LINC00237: variants seen among roughly 807,000 people sequenced by gnomAD.
LINC00237 encodes the protein long intergenic non-protein coding RNA 237.
rs77099682 is a variant in LINC00237, at chr20:21,094,129, T to C, written n.89-277A>G. The stretch of plus-strand genomic sequence containing the variant: ...GTTTACATCACCTAAGCCTCACTTA[T>C]GCTGGGAGGATTTCAGAATTATTTA... On this transcript the variant is annotated intron_variant and non_coding_transcript_variant, in intron 1 of 3. Coordinates refer to ENST00000691244, the Ensembl canonical transcript of LINC00237. Among the ~76,000 whole-genome samples the C allele has an allele frequency of 4.3e-3, 655 of 152,330 alleles. 6 individuals carry two copies. Among genetic ancestry groups the C allele is most frequent in the African/African-American group, 0.015 (619 of 41,570 alleles).
At chr20:21,087,803 T>C (rs2030734329) in intron 3 of LINC00237, 1 of 152,172 alleles carries the variant, frequency 6.6e-6, no homozygotes, top group Non-Finnish European at 1.5e-5. Flanking sequence ...TCATTCCTGA[T>C]ATAATAGTGA....
chr20:21,101,950 C>T lies in LINC00237; in HGVS notation n.88+4321G>A, dbSNP rs1294596073. Among the ~76,000 whole-genome samples, 1 of 152,232 alleles carries T rather than the reference C, an allele frequency of 6.6e-6. No homozygotes were observed. The highest frequency in any genetic ancestry group is 2.4e-5 in the African/African-American group (1 of 41,470). ...GGGGCGGCGATGGAGTAGCTCCGGG[C>T]TCTCCACGGACTCGATTGGACAGCC... On this transcript the variant is annotated intron_variant and non_coding_transcript_variant, in intron 1 of 3. Coordinates refer to ENST00000691244, the Ensembl canonical transcript of LINC00237. The surrounding 1 kb of genome is among the most constrained non-coding windows in gnomAD (Gnocchi z 4.3).
chr20:21,088,636 A>C (rs931213197), intron 2 of LINC00237, among the ~76,000 whole-genome samples: 4 of 152,176 alleles, frequency 2.6e-5, no homozygotes, highest in African/African-American at 9.7e-5. Context: ...TATTGATAGT[A>C]TCTACACAGG....
intron 2 of LINC00237, among the ~76,000 whole-genome samples, chr20:21,089,030 G>T (rs892953271): frequency 6.6e-6 from 1 of 151,812 alleles, no homozygotes; most frequent in African/African-American, 2.4e-5. Context: ...GAGACCCCAT[G>T]AGACACAGGA....
chr20:21,105,838 C>T (rs1015613584), intron 1 of LINC00237, among the ~76,000 whole-genome samples: 1 of 152,200 alleles, frequency 6.6e-6, no homozygotes, highest in Admixed American at 6.5e-5. Flanking sequence ...CCTGCCTGAA[C>T]CCCGCCGAGC....
intron 1 of LINC00237, among the ~76,000 whole-genome samples, chr20:21,104,730 C>A (rs866433701): frequency 1.5e-4 from 23 of 152,222 alleles, no homozygotes; most frequent in African/African-American, 5.3e-4. Flanking sequence ...TGGGGCATTT[C>A]AGGCTGAGCC....
chr20:21,098,361 A>G (rs1001134662), intron 1 of LINC00237, among the ~76,000 whole-genome samples: 12 of 152,198 alleles, frequency 7.9e-5, no homozygotes, highest in African/African-American at 2.4e-4. Flanking sequence ...CTATAGCTCT[A>G]TGGGGAAAAA....
intron 1 of LINC00237, among the ~76,000 whole-genome samples, chr20:21,105,705 C>T (rs1222563564): frequency 6.6e-6 from 1 of 152,158 alleles, no homozygotes; most frequent in Non-Finnish European, 1.5e-5. Flanking sequence ...CGGGTTTTCG[C>T]GCCTCCCCTA....
rs980112522 is a variant in LINC00237 at position 21,101,993 on chromosome 20, C to G, written n.88+4278G>C. 6.6e-6 allele frequency among the ~76,000 whole-genome samples: 1 copy of G among 152,268 alleles called. No individual in the cohort carries two copies. Among genetic ancestry groups the G allele is most frequent in the Non-Finnish European group, 1.5e-5 (1 of 68,056 alleles). On this transcript the variant is annotated intron_variant and non_coding_transcript_variant, in intron 1 of 3. Coordinates refer to ENST00000691244, the Ensembl canonical transcript of LINC00237. The surrounding 1 kb of genome is among the most constrained non-coding windows in gnomAD (Gnocchi z 4.3). ...GGACAGCCCCAGGCCGGCTTTGGAT[C>G]CTTGGAGGCGGATACGCAAGGCCAG...
At chr20:21,091,087 C>T (rs989930713) in intron 2 of LINC00237, among the ~76,000 whole-genome samples, 2 of 149,834 alleles carry the variant, frequency 1.3e-5, no homozygotes, top group African/African-American at 5.0e-5. Context: ...GTGTGTGTTA[C>T]CTCTGCTACA....
intron 1 of LINC00237, among the ~76,000 whole-genome samples, chr20:21,102,180 C>G (rs1340225822): frequency 6.6e-6 from 1 of 152,256 alleles, no homozygotes; most frequent in Non-Finnish European, 1.5e-5. Context: ...GGCGCGGCTC[C>G]GCGTCCCCAC....
intron 1 of LINC00237, among the ~76,000 whole-genome samples, chr20:21,103,270 G>T (rs1027956530): frequency 6.6e-6 from 1 of 152,232 alleles, no homozygotes; most frequent in Non-Finnish European, 1.5e-5. Flanking sequence ...GCTTCCTTGG[G>T]GTGGCTGGGG....
exon 4 of LINC00237, among the ~76,000 whole-genome samples, chr20:21,085,712 T>C (rs1194214936): frequency 1.3e-5 from 2 of 152,224 alleles, no homozygotes; most frequent in Admixed American, 1.3e-4. Context: ...ATGCTGCTGA[T>C]GTTTTTTTCT....
chr20:21,089,771 G>A (rs948155116), intron 2 of LINC00237: 2 of 152,182 alleles, frequency 1.3e-5, no homozygotes, highest in South Asian at 2.1e-4. Context: ...GTGATGTTAA[G>A]AGAAAATTAA....
intron 1 of LINC00237, among the ~76,000 whole-genome samples, chr20:21,096,107 T>C (rs1391844580): frequency 1.3e-5 from 2 of 152,230 alleles, no homozygotes; most frequent in Non-Finnish European, 1.5e-5. Context: ...TTGCTTGCTT[T>C]TGGAGAAACC....
intron 3 of LINC00237, among the ~76,000 whole-genome samples, chr20:21,086,875 C>CT (rs1278075811): frequency 1.6e-5 from 2 of 128,652 alleles, no homozygotes; most frequent in Non-Finnish European, 3.2e-5. Flanking sequence ...ATAGTATACA[C>CT]TATATAGTAT....
intron 1 of LINC00237, among the ~76,000 whole-genome samples, chr20:21,100,883 C>T (rs79303743): frequency 0.013 from 1,972 of 152,198 alleles, 38 homozygotes; most frequent in African/African-American, 0.042. Flanking sequence ...TGTCATCAGC[C>T]CCGGCCCGAC....
intron 2 of LINC00237, chr20:21,089,872 G>A (rs1434650194): frequency 6.6e-6 from 1 of 152,188 alleles, no homozygotes; most frequent in Non-Finnish European, 1.5e-5. Context: ...AGGATTCACT[G>A]TCCAAATATG....
At chr20:21,098,951 G>T (rs571932627) in intron 1 of LINC00237, among the ~76,000 whole-genome samples, 7 of 152,342 alleles carry the variant, frequency 4.6e-5, no homozygotes, top group African/African-American at 1.7e-4. Context: ...CTGGGTAACA[G>T]AAAGATAAAA....
Sources: gnomAD v4.1 joint callset for allele counts (sites outside exome capture counted in the v4.1 genomes callset) on GRCh38, gnomAD v4.1.1 for gene constraint, Gnocchi (gnomAD v3.1) non-coding constraint, MANE v1.5 for transcripts, NCBI Gene and HGNC (gene_info 2026-07-23, HGNC 2026-07-21) for gene names.